The following SPATA17 variants were observed in gnomAD, a reference collection of about 807,000 sequenced individuals.
The protein encoded by SPATA17 is spermatogenesis-associated protein 17.
Under a neutral mutation model 62.2 loss-of-function variants are expected in SPATA17, and 53 were observed. The ratio of observed to expected loss-of-function variants is 0.85; its 90% CI spans 0.68 to 1.07. SPATA17 has a LOEUF of 1.07. Among genes scored for constraint, SPATA17 ranks in the 50% least tolerant of loss-of-function variants. The pLI, the probability that SPATA17 is intolerant of heterozygous loss-of-function variation, is 0.00. For missense variants in SPATA17, 466 were observed against 425.5 expected (o/e 1.10, Z -0.84); for synonymous variants, 146 against 146.8 (o/e 0.99, Z 0.04).
In SPATA17 at chr1:217,751,348, C is replaced by G. The variant is rs915098106; in HGVS notation, c.519+9250C>G. Among the ~76,000 whole-genome samples, 7 of 152,130 alleles carry G rather than the reference C, an allele frequency of 4.6e-5. No homozygotes were observed. In the East Asian group the frequency reaches 1.4e-3, roughly 29 times the overall value. On this transcript the variant is annotated intron_variant, in intron 6 of 10. Transcript: ENST00000366933. ...CCTTTTTTTCCCTTTGGACACTTGG[C>G]AGGTTTATTCTTTCAAGATTACATA...
At chr1:217,848,227 C>A (rs1675570779) in intron 9 of SPATA17, among the ~76,000 whole-genome samples, 1 of 152,030 alleles carries the variant, frequency 6.6e-6, no homozygotes, top group Non-Finnish European at 1.5e-5. Flanking sequence ...ACTGCTAACT[C>A]ACTCTTTCCC....
chr1:217,716,679 A>G (rs1188162049), intron 5 of SPATA17, among the ~76,000 whole-genome samples: 2 of 152,238 alleles, frequency 1.3e-5, no homozygotes, highest in Non-Finnish European at 2.9e-5. Context: ...TATAGGATAC[A>G]TATGTGTTCT....
At chr1:217,806,869 A>G (rs1404210826) in intron 9 of SPATA17, among the ~76,000 whole-genome samples, 1 of 152,112 alleles carries the variant, frequency 6.6e-6, no homozygotes, top group Non-Finnish European at 1.5e-5. Context: ...TGACCACATG[A>G]GTGGTGGTGG....
chr1:217,850,313 A>G (rs1467657716), intron 9 of SPATA17: 1 of 496,040 alleles, frequency 2.0e-6, no homozygotes, highest in East Asian at 3.8e-5. Flanking sequence ...TATTACTGAA[A>G]CTTGTAATTT....
At chr1:217,851,964 T>C (rs1675676873) in intron 9 of SPATA17, among the ~76,000 whole-genome samples, 2 of 152,082 alleles carry the variant, frequency 1.3e-5, no homozygotes, top group Non-Finnish European at 2.9e-5. Flanking sequence ...CAGGAGGTAA[T>C]TAGAAAATGA....
intron 5 of SPATA17, 99 bp downstream of exon 5, chr1:217,683,460 A>G: frequency 1.2e-6 from 1 of 841,142 alleles, no homozygotes; most frequent in South Asian, 1.5e-5. Flanking sequence ...TTTGTTTTAG[A>G]TGGAGTCTTG....
chr1:217,667,301 C>T (rs1670722406), intron 3 of SPATA17, among the ~76,000 whole-genome samples: 2 of 152,074 alleles, frequency 1.3e-5, no homozygotes, highest in East Asian at 3.9e-4. Context: ...CCTGCCTCGG[C>T]CTCCCAAAGT....
chr1:217,838,407 C>A (rs753496831), intron 9 of SPATA17, among the ~76,000 whole-genome samples: 1 of 151,968 alleles, frequency 6.6e-6, no homozygotes, highest in Non-Finnish European at 1.5e-5. Context: ...GCTATGTCTG[C>A]GTTTTCTACA....
At chr1:217,682,819 T>G (rs1671118153) in intron 4 of SPATA17, among the ~76,000 whole-genome samples, 1 of 152,130 alleles carries the variant, frequency 6.6e-6, no homozygotes, top group Admixed American at 6.5e-5. Flanking sequence ...TGTTTAAATA[T>G]TTTGATACCA....
rs541707307 is a variant in SPATA17 at position 217,787,388 on chromosome 1, G to A, written c.872+5066G>A. ...TCGAGACACAGTTTCCTCAGGATCT[G>A]ATCCAAGCTTATTTCTCTAGCTAAT... On this transcript the variant is annotated intron_variant, in intron 8 of 10. Transcript: ENST00000366933. Among the ~76,000 whole-genome samples, 5 of 152,170 alleles carry A rather than the reference G, an allele frequency of 3.3e-5. No individual in the cohort carries two copies. In the South Asian group the frequency reaches 1.0e-3, roughly 32 times the overall value.
At chr1:217,769,381 A>G (rs1673383565) in intron 6 of SPATA17, among the ~76,000 whole-genome samples, 1 of 152,218 alleles carries the variant, frequency 6.6e-6, no homozygotes, top group South Asian at 2.1e-4. Flanking sequence ...GACTTCTCCA[A>G]ACAAACTCAA....
intron 9 of SPATA17, among the ~76,000 whole-genome samples, chr1:217,821,549 T>C (rs879519197): frequency 1.3e-5 from 2 of 151,984 alleles, no homozygotes; most frequent in African/African-American, 2.4e-5. Flanking sequence ...AATGACAATA[T>C]GGGAGACTAG....
chr1:217,650,599 T>C (rs1670287042), intron 2 of SPATA17, among the ~76,000 whole-genome samples: 2 of 151,976 alleles, frequency 1.3e-5, no homozygotes, highest in South Asian at 2.1e-4. Context: ...TTTGTATTTT[T>C]AGTAGAGACA....
intron 6 of SPATA17, among the ~76,000 whole-genome samples, chr1:217,742,996 T>TG (rs1672658461): frequency 6.6e-6 from 1 of 151,386 alleles, no homozygotes. Context: ...CGTCTACATT[T>TG]GGAGTGTAGA....
At chr1:217,700,762 C>CTTTTTT (rs71556698) in intron 5 of SPATA17, among the ~76,000 whole-genome samples, 2 of 134,804 alleles carry the variant, frequency 1.5e-5, no homozygotes, top group East Asian at 4.3e-4. Context: ...TTTTCTTTTT[C>CTTTTTT]TTTTTTTTTT....
chr1:217,684,664 C>T (rs1403495575), intron 5 of SPATA17, among the ~76,000 whole-genome samples: 1 of 152,152 alleles, frequency 6.6e-6, no homozygotes, highest in African/African-American at 2.4e-5. Context: ...GATCTGCCCA[C>T]CTCGGCCTCC....
At chr1:217,735,220 G>T (rs1050965555) in intron 5 of SPATA17, among the ~76,000 whole-genome samples, 2 of 152,230 alleles carry the variant, frequency 1.3e-5, no homozygotes, top group African/African-American at 4.8e-5. Context: ...CAGAATTCCA[G>T]AGAGTGACTA....
intron 5 of SPATA17, among the ~76,000 whole-genome samples, chr1:217,710,207 G>T (rs1462760830): frequency 6.6e-6 from 1 of 152,022 alleles, no homozygotes; most frequent in African/African-American, 2.4e-5. Flanking sequence ...AAGATAAATG[G>T]GATTGATTAA....
intron 4 of SPATA17, among the ~76,000 whole-genome samples, chr1:217,682,375 A>G: frequency 6.6e-6 from 1 of 152,082 alleles, no homozygotes; most frequent in East Asian, 1.9e-4. Flanking sequence ...AAAAAAAAAA[A>G]AACACCCTAC....
Sources: allele counts gnomAD v4.1 joint callset (sites outside exome capture counted in the v4.1 genomes callset), GRCh38; gene constraint gnomAD v4.1.1; transcripts MANE v1.5; gene names NCBI Gene and HGNC (gene_info 2026-07-23, HGNC 2026-07-21).